The following DTNA variants were observed in gnomAD, a reference collection of about 807,000 sequenced individuals.
The protein encoded by DTNA is dystrobrevin alpha.
A neutral mutation model predicts 100.7 loss-of-function variants in DTNA; 43 were observed. That is an observed-to-expected ratio of 0.43 (90% CI 0.33 to 0.55). The LOEUF (loss-of-function observed/expected upper bound fraction) is 0.55, where lower values mean the gene tolerates loss of function less well. DTNA is among the 20% of genes least tolerant of loss of function. The pLI is 0.04. For missense variants in DTNA, 798 were observed against 953.9 expected (o/e 0.84, Z 2.15); for synonymous variants, 349 against 347.9 (o/e 1.00, Z -0.04).
Position 34,829,149 on chromosome 18 carries a change from T to C in DTNA, c.1086-251T>C, listed in dbSNP as rs994063486. ...GTTCTGGTTCCTCCAGGGTGCATGG[T>C]ACCCATTAACCCAAAATATGATTAT... On this transcript the variant is annotated intron_variant, in intron 10 of 22. Coordinates refer to ENST00000444659, the MANE Select transcript of DTNA (RefSeq NM_001386795.1). The C allele has an allele frequency of 4.3e-6, 7 of 1,613,704 alleles. No homozygotes were observed. In the African/African-American group the frequency reaches 9.3e-5, roughly 22 times the overall value.
intron 1 of DTNA, among the ~76,000 whole-genome samples, chr18:34,727,086 A>G (rs1215519708): frequency 6.6e-6 from 1 of 152,208 alleles, no homozygotes; most frequent in African/African-American, 2.4e-5. Context: ...CAGAAGCGGC[A>G]GCCTGAGCTG....
intron 1 of DTNA, among the ~76,000 whole-genome samples, chr18:34,652,202 G>A (rs1291971718): frequency 2.0e-5 from 3 of 152,016 alleles, no homozygotes; most frequent in Admixed American, 6.6e-5. Flanking sequence ...GACAGAGGGC[G>A]GGGGAGGGAG....
intron 1 of DTNA, among the ~76,000 whole-genome samples, chr18:34,576,526 T>G (rs189458536): frequency 6.6e-4 from 100 of 152,286 alleles, no homozygotes; most frequent in African/African-American, 2.3e-3. Context: ...AGTGCAGTGG[T>G]GTGATCACTC....
chr18:34,493,814 G>T (rs2038827291), intron 1 of DTNA: 1 of 148,708 alleles, frequency 6.7e-6, no homozygotes, highest in African/African-American at 2.4e-5. Flanking sequence ...GAGAGCGCCG[G>T]CGGGGGCAGG....
At chr18:34,652,019 T>C (rs906933649) in intron 1 of DTNA, among the ~76,000 whole-genome samples, 2 of 151,484 alleles carry the variant, frequency 1.3e-5, no homozygotes, top group Non-Finnish European at 2.9e-5. Context: ...TGAGGCATGA[T>C]CATGCCACTG....
intron 1 of DTNA, among the ~76,000 whole-genome samples, chr18:34,524,916 T>C (rs2042472212): frequency 1.3e-5 from 2 of 152,168 alleles, no homozygotes; most frequent in African/African-American, 4.8e-5. Context: ...TGGGGCATAC[T>C]GGAGCTGTAT....
At chr18:34,790,922 G>A (rs1303905258) in intron 3 of DTNA, among the ~76,000 whole-genome samples, 1 of 152,154 alleles carries the variant, frequency 6.6e-6, no homozygotes, top group Non-Finnish European at 1.5e-5. Context: ...CTAGGTCATT[G>A]ATAGAACCCA....
intron 1 of DTNA, among the ~76,000 whole-genome samples, chr18:34,508,936 G>A (rs1048817828): frequency 2.0e-5 from 3 of 152,022 alleles, no homozygotes; most frequent in Non-Finnish European, 2.9e-5. Context: ...CATTTAAGAT[G>A]ACACATATTC....
At chr18:34,866,605 A>G in intron 17 of DTNA, 1 of 1,010,588 alleles carries the variant, frequency 9.9e-7, no homozygotes, top group Non-Finnish European at 1.2e-6. Context: ...AAAACCTGTG[A>G]AACCTCTTTT....
chr18:34,653,538 G>A (rs1056963706), intron 1 of DTNA, among the ~76,000 whole-genome samples: 24 of 151,962 alleles, frequency 1.6e-4, no homozygotes, highest in African/African-American at 5.6e-4. Flanking sequence ...AAATACCACT[G>A]AGGGTCAGGT....
intron 1 of DTNA, among the ~76,000 whole-genome samples, chr18:34,555,626 G>A (rs1271778424): frequency 2.0e-5 from 3 of 152,018 alleles, no homozygotes; most frequent in Non-Finnish European, 2.9e-5. Context: ...CCTTCATTTC[G>A]TTATGTATCC....
chr18:34,818,450 T>A, intron 8 of DTNA, 120 bp downstream of exon 8: 1 of 1,542,244 alleles, frequency 6.5e-7, no homozygotes, highest in Non-Finnish European at 8.7e-7. Context: ...CCAGGTCTAG[T>A]ATTCAGTCCC....
At chr18:34,834,341 C>CA (rs966360420) in intron 11 of DTNA, among the ~76,000 whole-genome samples, 143 of 140,500 alleles carry the variant, frequency 1.0e-3, no homozygotes, top group Middle Eastern at 3.6e-3. Context: ...ATTAAAAATA[C>CA]AAAAAAAAAA....
chr18:34,766,983 T>C (rs1030826536), intron 3 of DTNA, among the ~76,000 whole-genome samples: 2 of 152,162 alleles, frequency 1.3e-5, no homozygotes, highest in African/African-American at 4.8e-5. Flanking sequence ...GCAGTCTTAT[T>C]CTCTGCTGGG....
chr18:34,623,663 T>C (rs1425474122), intron 1 of DTNA, among the ~76,000 whole-genome samples: 1 of 152,190 alleles, frequency 6.6e-6, no homozygotes, highest in African/African-American at 2.4e-5. Flanking sequence ...CAATAAGTAC[T>C]TTTAAGCAAC....
chr18:34,702,885 C>T (rs563028276), intron 1 of DTNA, among the ~76,000 whole-genome samples: 5 of 152,038 alleles, frequency 3.3e-5, no homozygotes, highest in African/African-American at 1.2e-4. Flanking sequence ...TTCATTTTAC[C>T]CAACCTGCAT....
chr18:34,505,652 T>C (rs2040416765), intron 1 of DTNA, among the ~76,000 whole-genome samples: 1 of 152,104 alleles, frequency 6.6e-6, no homozygotes, highest in Non-Finnish European at 1.5e-5. Context: ...ATTTTGGGTA[T>C]TTTTTTCAAT....
At chr18:34,618,588 A>T (rs1180352065) in intron 1 of DTNA, among the ~76,000 whole-genome samples, 1 of 152,142 alleles carries the variant, frequency 6.6e-6, no homozygotes, top group Non-Finnish European at 1.5e-5. Context: ...TTGGGGGATT[A>T]TGCCAAACTG....
In DTNA at chr18:34,498,442, T is replaced by TAATATA. The variant is rs564930126; in HGVS notation, c.-2+4929_-2+4930insATATAA. Among the ~76,000 whole-genome samples the TAATATA allele has an allele frequency of 4.2e-5, 6 of 141,840 alleles. No homozygotes were observed. The East Asian group carries it at 1.2e-3, about 29-fold the overall frequency. The allele number at this position is 141,840 out of a possible 152,430, so 93.1% of individuals were successfully genotyped here. A position where few individuals can be genotyped will look rare whatever the true frequency, so the allele number is the denominator to read the frequency against. Reference sequence around the variant, plus strand: ...AACGAGACTCCATCTCAGAAAATAATATAATAATAATAATAATAATAATAA... The same window carrying TAATATA: ...AACGAGACTCCATCTCAGAAAATAATAATATAATAATAATAATAATAATAATAATAA... On this transcript the variant is annotated intron_variant, in intron 1 of 19. Transcript: ENST00000283365.
Sources: gnomAD v4.1 joint callset for allele counts (sites outside exome capture counted in the v4.1 genomes callset) on GRCh38, gnomAD v4.1.1 for gene constraint, MANE v1.5 for transcripts, NCBI Gene and HGNC (gene_info 2026-07-23, HGNC 2026-07-21) for gene names.